Variants in SHC3 observed in about 807,000 individuals in gnomAD.
The protein encoded by SHC3 is SHC-transforming protein 3.
In SHC3, 15 loss-of-function variants were observed where a neutral mutation model predicts 60.4. The ratio of observed to expected loss-of-function variants is 0.25; its 90% CI spans 0.17 to 0.38. The LOEUF (loss-of-function observed/expected upper bound fraction) is 0.38. SHC3 is among the 10% of genes least tolerant of loss of function. The pLI is 1.00. For synonymous variants in SHC3, 294 were observed against 325.9 expected (o/e 0.90, Z 1.05); for missense variants, 677 against 786.1 (o/e 0.86, Z 1.66).
intron 2 of SHC3, among the ~76,000 whole-genome samples, chr9:89,097,742 G>A (rs1206586788): frequency 2.0e-5 from 3 of 152,232 alleles, no homozygotes; most frequent in Admixed American, 1.3e-4. Flanking sequence ...ACCAGAGGAT[G>A]CCTCCCAGTA....
chr9:89,049,246 G>A (rs549768029), intron 7 of SHC3, among the ~76,000 whole-genome samples: 7 of 151,932 alleles, frequency 4.6e-5, no homozygotes, highest in African/African-American at 1.7e-4. Context: ...GAGTGACAGA[G>A]CCAGACTCCC....
At chr9:89,098,382 G>A (rs1424530635) in intron 2 of SHC3, among the ~76,000 whole-genome samples, 1 of 152,236 alleles carries the variant, frequency 6.6e-6, no homozygotes, top group East Asian at 1.9e-4. Context: ...ATTGTGTTCT[G>A]TCAGTGTCAA....
chr9:89,138,137 A>G (rs1456760374), intron 1 of SHC3, among the ~76,000 whole-genome samples: 3 of 152,178 alleles, frequency 2.0e-5, no homozygotes, highest in Non-Finnish European at 4.4e-5. Flanking sequence ...TCTGAGGGCA[A>G]GGGTGACAGC....
chr9:89,085,236 A>G (rs1191983701), intron 2 of SHC3, among the ~76,000 whole-genome samples: 2 of 152,224 alleles, frequency 1.3e-5, no homozygotes, highest in African/African-American at 4.8e-5. Flanking sequence ...CATGAAGCTC[A>G]GGGCAAGTCT....
rs118145500 is a variant in SHC3 at position 89,088,087 on chromosome 9, A to T, written c.546-10184T>A. ...GGAGAGATTTAATTATGATTCTGGC[A>T]CCTTTTAGGGTTGGTTAAGAGACCT... On this transcript the variant is annotated intron_variant, in intron 2 of 11. Coordinates refer to ENST00000375835, the MANE Select transcript of SHC3 (RefSeq NM_016848.6). 1.5e-3 allele frequency among the ~76,000 whole-genome samples: 225 copies of T among 152,266 alleles called. 1 individual carries two copies. The highest frequency in any genetic ancestry group is 2.7e-3 in the Non-Finnish European group (183 of 68,014).
At chr9:89,014,094 C>G (rs1826055374) in intron 11 of SHC3, among the ~76,000 whole-genome samples, 1 of 152,202 alleles carries the variant, frequency 6.6e-6, no homozygotes, top group African/African-American at 2.4e-5. Context: ...GGGCACCCAC[C>G]AGGGGCAAGC....
intron 2 of SHC3, among the ~76,000 whole-genome samples, chr9:89,111,100 G>C (rs1484614977): frequency 6.6e-6 from 1 of 152,270 alleles, no homozygotes; most frequent in African/African-American, 2.4e-5. Context: ...CAAAGCCGGA[G>C]AGTCACGTTG....
chr9:89,165,213 TAAAAG>T (rs1410321924), intron 1 of SHC3, among the ~76,000 whole-genome samples: 1 of 151,792 alleles, frequency 6.6e-6, no homozygotes, highest in Admixed American at 6.6e-5. Context: ...TTGTGTTGTG[TAAAAG>T]AAAAGAAGAA....
At chr9:89,159,231 T>C (rs906798569) in intron 1 of SHC3, among the ~76,000 whole-genome samples, 13 of 152,204 alleles carry the variant, frequency 8.5e-5, no homozygotes, top group African/African-American at 3.1e-4. Flanking sequence ...AAATTATTCT[T>C]AGGATAGGAC....
At chr9:89,080,435 T>A (rs961835171) in intron 2 of SHC3, among the ~76,000 whole-genome samples, 1 of 152,154 alleles carries the variant, frequency 6.6e-6, no homozygotes, top group Non-Finnish European at 1.5e-5. Context: ...TTCACCATCT[T>A]CCCTTCAGAA....
chr9:89,118,230 T>G (rs1407596916), intron 1 of SHC3, among the ~76,000 whole-genome samples: 1 of 151,706 alleles, frequency 6.6e-6, no homozygotes, highest in East Asian at 1.9e-4. Flanking sequence ...ATTTTTTTTT[T>G]TTTTTTGCTA....
intron 1 of SHC3, among the ~76,000 whole-genome samples, chr9:89,173,548 G>T (rs1385320853): frequency 6.6e-6 from 1 of 152,112 alleles, no homozygotes; most frequent in Admixed American, 6.5e-5. Context: ...GAGATAATTG[G>T]GTATTTCTAG....
At chr9:89,155,825 C>G (rs1449427807) in intron 1 of SHC3, among the ~76,000 whole-genome samples, 1 of 152,176 alleles carries the variant, frequency 6.6e-6, no homozygotes, top group Non-Finnish European at 1.5e-5. Context: ...AAAACTGTCT[C>G]TAACACAAGA....
chr9:89,025,358 CT>C (rs1392502102), intron 11 of SHC3, among the ~76,000 whole-genome samples: 3 of 152,184 alleles, frequency 2.0e-5, no homozygotes, highest in Non-Finnish European at 4.4e-5. Context: ...TGATGTAGAC[CT>C]GTCCCAGACA....
At chr9:89,177,748 C>G (rs1440830452) in intron 1 of SHC3, among the ~76,000 whole-genome samples, 1 of 152,254 alleles carries the variant, frequency 6.6e-6, no homozygotes, top group African/African-American at 2.4e-5. Context: ...TAGGGAAAAC[C>G]GGGACGGAGC....
intron 2 of SHC3, among the ~76,000 whole-genome samples, chr9:89,087,675 C>A (rs997825249): frequency 9.2e-5 from 14 of 152,072 alleles, no homozygotes; most frequent in African/African-American, 3.4e-4. Context: ...TGATATAAAC[C>A]AAAAATAAAA....
At chr9:89,042,463 G>T (rs1170404196) in intron 9 of SHC3, among the ~76,000 whole-genome samples, 2 of 152,208 alleles carry the variant, frequency 1.3e-5, no homozygotes, top group Non-Finnish European at 2.9e-5. Context: ...TTTGGCCCTT[G>T]CTGCCCCAAG....
chr9:89,047,402 T>C (rs1824791920), intron 7 of SHC3, among the ~76,000 whole-genome samples: 1 of 152,212 alleles, frequency 6.6e-6, no homozygotes, highest in Non-Finnish European at 1.5e-5. Context: ...AATTCTCCCT[T>C]CTGCTATTTG....
At position 89,038,096 on chromosome 9, in the gene SHC3, T is replaced by C. The variant is rs1322277143; in HGVS notation, c.1553A>G (p.Asp518Gly). 1 of 1,614,066 alleles carries C rather than the reference T, an allele frequency of 6.2e-7. No homozygotes were observed. Among genetic ancestry groups the C allele is most frequent in the Admixed American group, 1.7e-5 (1 of 60,008 alleles). ...EAEGLLEKDG[D>G]FLVRKSTTNP... ...GGTGGTGCTCTTCCTGACCAGGAAG[T>C]CTCCGTCTTTCTCCAGCAGCCCCTC... Residue 518 changes from aspartate to glycine, a missense_variant, in exon 11 of 12, where the codon GAC becomes GGC. Physicochemically the swap from Asp to Gly is moderately conservative, Grantham distance 94. Coordinates refer to ENST00000375835, the MANE Select transcript of SHC3 (RefSeq NM_016848.6).
Sources: gnomAD v4.1 joint callset for allele counts (sites outside exome capture counted in the v4.1 genomes callset) on GRCh38, gnomAD v4.1.1 for gene constraint, MANE v1.5 for transcripts, NCBI Gene and HGNC (gene_info 2026-07-23, HGNC 2026-07-21) for gene names.